PCDHA4: variants seen among roughly 807,000 people sequenced by gnomAD.
PCDHA4 encodes protocadherin alpha-4.
Under a neutral mutation model 61.4 loss-of-function variants are expected in PCDHA4, and 49 were observed. That is an observed-to-expected ratio of 0.80 (90% confidence interval 0.63 to 1.01). The LOEUF is 1.01. PCDHA4 is among the 50% of genes least tolerant of loss of function. The probability of loss-of-function intolerance (pLI) is 0.00; values close to 1 mark genes in which losing one functional copy is unlikely to be tolerated. For missense variants in PCDHA4, 1,254 were observed against 1,235.8 expected, an observed-to-expected ratio of 1.01 and a Z score of -0.22; for synonymous variants, 590 against 550.3, an observed-to-expected ratio of 1.07 and a Z score of -1.01.
At chr5:140,886,138 T>C (rs1166911705) in intron 1 of PCDHA4, among the ~76,000 whole-genome samples, 2 of 152,208 alleles carry the variant, frequency 1.3e-5, no homozygotes, top group African/African-American at 4.8e-5. Flanking sequence ...AACCAGATTC[T>C]TGATATCACC....
chr5:140,871,493 A>C lies in PCDHA4; in HGVS notation c.2385+61921A>C, dbSNP rs968230550. 1.9e-6 allele frequency: 3 copies of C among 1,588,916 alleles called. No individual in the cohort carries two copies. In the African/African-American group the frequency reaches 4.0e-5, roughly 21 times the overall value. On this transcript the variant is annotated intron_variant, in intron 1 of 3. Coordinates refer to ENST00000530339, the MANE Select transcript of PCDHA4 (RefSeq NM_018907.4). Reference sequence around the variant, plus strand: ...GAGCCAGGGTCAAATCACCCCGGACAGGTGAGTTTTCTACAGATTCCACCT... The same window carrying C: ...GAGCCAGGGTCAAATCACCCCGGACCGGTGAGTTTTCTACAGATTCCACCT...
chr5:140,853,745 C>G lies in PCDHA4; in HGVS notation c.2385+44173C>G. ...TAAGTCCTCATTGAATGTTCTGGTT[C>G]AAGGCTCCACCTCAGAAATTCTGAA... On this transcript the variant is annotated intron_variant, in intron 1 of 3. Transcript: ENST00000530339. 3.0e-6 allele frequency: 3 copies of G among 988,528 alleles called. 1 individual carries two copies. Among genetic ancestry groups the G allele is most frequent in the Non-Finnish European group, 3.7e-6 (3 of 820,460 alleles). The allele number at this position is 988,528 out of a possible 1,614,324, so 61.2% of individuals were successfully genotyped here. A position where few individuals can be genotyped will look rare whatever the true frequency, so the allele number is the denominator to read the frequency against.
chr5:140,994,717 A>T (rs1350882833), intron 3 of PCDHA4, among the ~76,000 whole-genome samples: 4 of 152,164 alleles, frequency 2.6e-5, no homozygotes, highest in Admixed American at 6.6e-5. Context: ...AAAAAAATTT[A>T]AAATACTGGG....
intron 1 of PCDHA4, chr5:140,876,187 G>A (rs1554168344): frequency 1.9e-6 from 3 of 1,613,842 alleles, no homozygotes; most frequent in African/African-American, 2.7e-5. Context: ...GAATGACAAT[G>A]GTCCGGCGTT....
intron 1 of PCDHA4, chr5:140,870,604 C>T (rs376574285): frequency 1.9e-6 from 3 of 1,613,134 alleles, no homozygotes; most frequent in African/African-American, 2.7e-5. Context: ...GTTGGGCGAC[C>T]GCGCGCTGTC....
chr5:140,958,079 T>C (rs182718226), intron 1 of PCDHA4, among the ~76,000 whole-genome samples: 1 of 152,202 alleles, frequency 6.6e-6, no homozygotes, highest in East Asian at 1.9e-4. Context: ...AAGCAAAAAG[T>C]AAAGTTGTAC....
chr5:140,994,954 T>C (rs2097657181), intron 3 of PCDHA4, among the ~76,000 whole-genome samples: 1 of 152,230 alleles, frequency 6.6e-6, no homozygotes, highest in Non-Finnish European at 1.5e-5. Flanking sequence ...AAATAATTTG[T>C]AGTTTCATTT....
chr5:140,843,468 T>C, intron 1 of PCDHA4: 2 of 1,595,998 alleles, frequency 1.3e-6, no homozygotes, highest in Non-Finnish European at 1.7e-6. Flanking sequence ...CTCACGCTGC[T>C]GCTGTACACT....
At chr5:140,940,934 G>A (rs155815) in intron 1 of PCDHA4, among the ~76,000 whole-genome samples, 48,303 of 152,082 alleles carry the variant, frequency 0.32, 8,018 homozygotes, top group East Asian at 0.53. Flanking sequence ...TGGCTACTTA[G>A]ACTACGTATT....
rs1554149565 is a variant in PCDHA4, at chr5:140,857,132, G to T, written c.2385+47560G>T. Reference sequence around the variant, plus strand: ...TCTGTCTCTCCCAGTGAAAGAAGATGCTCAAGTGGGCACCGTCATTGCCCT... The same window carrying T: ...TCTGTCTCTCCCAGTGAAAGAAGATTCTCAAGTGGGCACCGTCATTGCCCT... On this transcript the variant is annotated intron_variant, in intron 1 of 3. Coordinates refer to ENST00000530339, the MANE Select transcript of PCDHA4 (RefSeq NM_018907.4). The T allele has an allele frequency of 3.1e-6, 5 of 1,598,146 alleles. 1 individual carries two copies. The South Asian group carries it at 3.3e-5, about 11-fold the overall frequency.
chr5:140,850,049 C>G (rs2150465227), intron 1 of PCDHA4: 5 of 1,596,466 alleles, frequency 3.1e-6, no homozygotes, highest in Non-Finnish European at 3.4e-6. Flanking sequence ...GCAAGGTGTA[C>G]GCGCTGCAGC....
intron 1 of PCDHA4, among the ~76,000 whole-genome samples, chr5:140,887,132 T>A (rs2061321769): frequency 6.6e-6 from 1 of 151,950 alleles, no homozygotes; most frequent in Non-Finnish European, 1.5e-5. Context: ...AGTCTCACTC[T>A]GTCGCCCAGG....
At chr5:140,882,252 G>C (rs782433822) in intron 1 of PCDHA4, 1 of 1,597,600 alleles carries the variant, frequency 6.3e-7, no homozygotes, top group Non-Finnish European at 8.5e-7. Context: ...ATAGCTCTGA[G>C]GTTTTTGGAG....
At chr5:140,839,728 G>T (rs1776382427) in intron 1 of PCDHA4, among the ~76,000 whole-genome samples, 1 of 151,992 alleles carries the variant, frequency 6.6e-6, no homozygotes, top group Non-Finnish European at 1.5e-5. Flanking sequence ...TCATTTCACA[G>T]AAAATACCCT....
chr5:140,851,270 A>G lies in PCDHA4; in HGVS notation c.2385+41698A>G. On this transcript the variant is annotated intron_variant, in intron 1 of 3. Transcript: ENST00000530339. ...ATGCATAGTATTTTAGTCTACTTGTATTGTTTATAAGAAACCCAAGCAAAA... is the reference window on the plus strand; with the variant it reads ...ATGCATAGTATTTTAGTCTACTTGTGTTGTTTATAAGAAACCCAAGCAAAA... The G allele has an allele frequency of 9.4e-6, 10 of 1,065,088 alleles. 1 individual carries two copies. Among genetic ancestry groups the G allele is most frequent in the Non-Finnish European group, 1.1e-5 (9 of 851,818 alleles). 66.0% of individuals were successfully genotyped at this position (1,065,088 alleles called of 1,614,324 possible).
At chr5:140,987,997 T>C (rs2097277277) in intron 3 of PCDHA4, among the ~76,000 whole-genome samples, 1 of 152,212 alleles carries the variant, frequency 6.6e-6, no homozygotes, top group African/African-American at 2.4e-5. Flanking sequence ...TCTCTGATCC[T>C]TCCCCAGAAA....
intron 1 of PCDHA4, among the ~76,000 whole-genome samples, chr5:140,946,108 T>C (rs782062288): frequency 2.0e-5 from 3 of 151,938 alleles, no homozygotes; most frequent in Non-Finnish European, 4.4e-5. Context: ...ATACCAAATA[T>C]ATAAGGAACT....
intron 1 of PCDHA4, chr5:140,883,107 C>T: frequency 6.2e-7 from 1 of 1,614,064 alleles, no homozygotes. Context: ...ATAGTTTACT[C>T]ATTTAGAAGG....
At chr5:140,858,107 C>T in intron 1 of PCDHA4, 1 of 1,597,636 alleles carries the variant, frequency 6.3e-7, no homozygotes, top group Non-Finnish European at 8.6e-7. Context: ...GGGCGTGGCG[C>T]CCGAGGTGGC....
Sources: gnomAD v4.1 joint callset for allele counts (sites outside exome capture counted in the v4.1 genomes callset) on GRCh38, gnomAD v4.1.1 for gene constraint, MANE v1.5 for transcripts, NCBI Gene and HGNC (gene_info 2026-07-23, HGNC 2026-07-21) for gene names.